Variants in RASSF4 observed in about 807,000 individuals in gnomAD.
RASSF4 encodes the protein Ras association domain family member 4, also known as ras association domain-containing protein 4.
RASSF4 carries 38 observed loss-of-function variants against 41.1 expected under a neutral mutation model. The observed-to-expected ratio is 0.92, with a 90% CI of 0.71 to 1.21. The LOEUF (loss-of-function observed/expected upper bound fraction) is 1.21. Ranked by LOEUF, RASSF4 falls within the 50% of genes most tolerant of loss-of-function variation. RASSF4 has a pLI of 0.00. For synonymous variants in RASSF4, 179 were observed against 163.4 expected, an observed-to-expected ratio of 1.10 and a Z score of -0.73; for missense variants, 414 against 419.4, an observed-to-expected ratio of 0.99 and a Z score of 0.11.
chr10:44,992,122 G>A, intron 10 of RASSF4, 120 bp downstream of exon 10: 2 of 649,750 alleles, frequency 3.1e-6, no homozygotes, highest in Non-Finnish European at 2.7e-6. Flanking sequence ...CCTGGTACGG[G>A]AAGGCCTGCT....
chr10:44,982,713 T>C (rs1380043773), intron 4 of RASSF4, 50 bp downstream of exon 4: 4 of 1,590,232 alleles, frequency 2.5e-6, no homozygotes, highest in South Asian at 1.1e-5. Flanking sequence ...AGCTCCCGGG[T>C]TGGGGATATC....
At chr10:44,968,805 A>G (rs1423754853) in intron 1 of RASSF4, among the ~76,000 whole-genome samples, 2 of 152,146 alleles carry the variant, frequency 1.3e-5, no homozygotes, top group East Asian at 3.9e-4. Flanking sequence ...GTGTGAACAG[A>G]TGTGGGGGAG....
chr10:44,970,028 C>T, intron 1 of RASSF4, 137 bp from the exon 2 acceptor site: 2 of 632,492 alleles, frequency 3.2e-6, no homozygotes, highest in East Asian at 2.7e-5. Context: ...CAGACCCTTT[C>T]AGCCGCAGCC....
intron 1 of RASSF4, among the ~76,000 whole-genome samples, chr10:44,967,333 C>T (rs868012118): frequency 1.4e-4 from 22 of 152,220 alleles, no homozygotes; most frequent in African/African-American, 5.3e-4. Flanking sequence ...TTGTTCGCAG[C>T]TCAGTGGTCA....
At chr10:44,978,036 T>G (rs1679981912) in intron 3 of RASSF4, 2 of 1,597,638 alleles carry the variant, frequency 1.3e-6, no homozygotes, top group African/African-American at 2.7e-5. Flanking sequence ...CTCATCACTC[T>G]GGCGAGAGGA....
intron 3 of RASSF4, chr10:44,977,867 T>C: frequency 1.2e-6 from 2 of 1,611,640 alleles, no homozygotes; most frequent in Non-Finnish European, 1.7e-6. Context: ...CGTGGCCTTG[T>C]CCAGCACAGA....
intron 3 of RASSF4, 159 bp from the exon 4 acceptor site, chr10:44,982,362 C>A: frequency 2.3e-6 from 2 of 880,210 alleles, no homozygotes; most frequent in Non-Finnish European, 3.7e-6. Flanking sequence ...GGTCACACGC[C>A]CCAGGGCACG....
chr10:44,991,835 C>A (rs1261711687), intron 9 of RASSF4, 70 bp from the exon 10 acceptor site: 4 of 1,079,688 alleles, frequency 3.7e-6, no homozygotes, highest in South Asian at 1.4e-5. Flanking sequence ...ACTATGGAAG[C>A]CTTGAGGAAA....
intron 3 of RASSF4, among the ~76,000 whole-genome samples, chr10:44,980,355 T>A (rs55788716): frequency 0.017 from 2,575 of 152,312 alleles, 75 homozygotes; most frequent in African/African-American, 0.058. Context: ...AATGAGCAGA[T>A]TAGTCAAGAG....
At chr10:44,964,867 G>A (rs1254103398) in intron 1 of RASSF4, among the ~76,000 whole-genome samples, 3 of 151,994 alleles carry the variant, frequency 2.0e-5, no homozygotes, top group African/African-American at 7.2e-5. Flanking sequence ...ATGTCAAAAC[G>A]ATTAAATTCA....
At chr10:44,981,483 C>T (rs1364680114) in intron 3 of RASSF4, 1 of 152,150 alleles carries the variant, frequency 6.6e-6, no homozygotes, top group Non-Finnish European at 1.5e-5. Flanking sequence ...GTTAAATGTC[C>T]TTATCACAAT....
intron 3 of RASSF4, among the ~76,000 whole-genome samples, chr10:44,978,413 A>T (rs1435661994): frequency 6.6e-6 from 1 of 152,180 alleles, no homozygotes; most frequent in Admixed American, 6.5e-5. Flanking sequence ...TCCATAAAAC[A>T]GGGTTATAAA....
Position 44,993,315 on chromosome 10 carries a change from G to C in RASSF4, c.952G>C (p.Val318Leu), listed in dbSNP as rs1415640519. Reference sequence around the variant, plus strand: ...GATGCTGCAGCGCCTGGAGCAGCTGGTGGAGGCCAAGTAACTGGCCAACAC... The same window carrying C: ...GATGCTGCAGCGCCTGGAGCAGCTGCTGGAGGCCAAGTAACTGGCCAACAC... ...LTMLQRLEQL[V>L]EAK Residue 318 changes from valine to leucine, a missense_variant, in exon 11 of 11, where the codon GTG becomes CTG. Val to Leu is a conservative substitution (Grantham distance 32). Transcript: ENST00000340258. 1.2e-6 allele frequency: 2 copies of C among 1,605,768 alleles called. No individual in the cohort carries two copies. The highest frequency in any genetic ancestry group is 3.3e-5 in the Admixed American group (2 of 59,940).
intron 2 of RASSF4, chr10:44,971,475 G>T (rs977615409): frequency 2.2e-5 from 13 of 587,342 alleles, no homozygotes; most frequent in Non-Finnish European, 3.9e-5. Flanking sequence ...GGCTGCCAGG[G>T]CCTTACCTGT....
At position 44,982,595 on chromosome 10, in the gene RASSF4, G is replaced by A. The variant is rs142846160; in HGVS notation, c.213G>A (p.Met71Ile). The A allele has an allele frequency of 7.3e-5, 118 of 1,613,012 alleles. No homozygotes were observed. In the African/African-American group the frequency reaches 1.3e-3, roughly 17 times the overall value. The part of the protein sequence containing the change: ...WGLRRPIRLQ[M>I]QDDREQVHLP... Reference sequence around the variant, plus strand: ...TGAGGCGGCCCATCCGGCTGCAGATGCAGGATGACCGGGAGCAGGTGCACC... The same window carrying A: ...TGAGGCGGCCCATCCGGCTGCAGATACAGGATGACCGGGAGCAGGTGCACC... The change falls in exon 4 of 11, where the codon ATG (methionine) becomes ATA (isoleucine). Residue 71 changes from methionine (M) to isoleucine (I), a missense_variant. Coordinates refer to ENST00000340258, the MANE Select transcript of RASSF4 (RefSeq NM_032023.4).
At chr10:44,973,774 A>G (rs1564455794) in intron 3 of RASSF4, among the ~76,000 whole-genome samples, 1 of 152,128 alleles carries the variant, frequency 6.6e-6, no homozygotes, top group Non-Finnish European at 1.5e-5. Context: ...AAGAGCCTCC[A>G]CCCTGCGTTT....
intron 1 of RASSF4, among the ~76,000 whole-genome samples, chr10:44,967,272 G>A (rs909682480): frequency 6.6e-6 from 1 of 152,192 alleles, no homozygotes; most frequent in Non-Finnish European, 1.5e-5. Flanking sequence ...GAACTGGAGG[G>A]TTGTGCACTG....
rs1430647951 is a variant in RASSF4, at chr10:44,994,271, T to C, written c.*942T>C. 6.6e-6 allele frequency: 1 copy of C among 152,668 alleles called. No individual in the cohort carries two copies. The highest frequency in any genetic ancestry group is 1.9e-4 in the East Asian group (1 of 5,200). 9.5% of individuals were successfully genotyped at this position (152,668 alleles called of 1,614,324 possible). Reference sequence around the variant, plus strand: ...AAAGGGCTTTGAATTCCCCAGATACTGAACAATTTGTGTTTGTGACTGATG... The same window carrying C: ...AAAGGGCTTTGAATTCCCCAGATACCGAACAATTTGTGTTTGTGACTGATG... On this transcript the variant is annotated 3_prime_UTR_variant, in exon 11 of 11. Coordinates refer to ENST00000340258, the MANE Select transcript of RASSF4 (RefSeq NM_032023.4).
At chr10:44,974,581 G>C (rs1408798455) in intron 3 of RASSF4, among the ~76,000 whole-genome samples, 3 of 151,770 alleles carry the variant, frequency 2.0e-5, no homozygotes, top group Non-Finnish European at 4.4e-5. Context: ...CTGGCGAAGG[G>C]CTCACCACCC....
Sources: allele counts gnomAD v4.1 joint callset (sites outside exome capture counted in the v4.1 genomes callset), GRCh38; gene constraint gnomAD v4.1.1; transcripts MANE v1.5; gene names NCBI Gene and HGNC (gene_info 2026-07-23, HGNC 2026-07-21).